The following ADAMTS17 variants were observed in gnomAD, a reference collection of about 807,000 sequenced individuals.
The protein encoded by ADAMTS17 is ADAM metallopeptidase with thrombospondin type 1 motif 17.
A neutral mutation model predicts 141.5 loss-of-function variants in ADAMTS17; 113 were observed. The observed-to-expected ratio is 0.80, with a 90% confidence interval of 0.69 to 0.93. The LOEUF (loss-of-function observed/expected upper bound fraction) is 0.93. ADAMTS17 is among the 40% of genes least tolerant of loss of function. The probability of loss-of-function intolerance (pLI) is 0.00; values close to 1 mark genes in which losing one functional copy is unlikely to be tolerated. For missense variants in ADAMTS17, 1,659 were observed against 1,517.9 expected (o/e 1.09, Z -1.54); for synonymous variants, 768 against 630.6 (o/e 1.22, Z -3.27).
At chr15:100,167,018 G>A (rs2039975677) in intron 8 of ADAMTS17, among the ~76,000 whole-genome samples, 1 of 152,240 alleles carries the variant, frequency 6.6e-6, no homozygotes, top group Admixed American at 6.5e-5. Context: ...GTCTCTATGT[G>A]GGCTGCCTGA....
intron 2 of ADAMTS17, among the ~76,000 whole-genome samples, chr15:100,336,908 A>G (rs1368664790): frequency 1.3e-5 from 2 of 152,100 alleles, no homozygotes; most frequent in Non-Finnish European, 2.9e-5. Flanking sequence ...CAGCTGGCTG[A>G]GCTCACCCAG....
At chr15:100,073,520 C>G (rs1046809962) in intron 15 of ADAMTS17, among the ~76,000 whole-genome samples, 4 of 151,836 alleles carry the variant, frequency 2.6e-5, no homozygotes, top group Non-Finnish European at 2.9e-5. Context: ...ACCCAAATGT[C>G]CAATAATGAT....
At chr15:100,087,597 C>T (rs984629961) in intron 15 of ADAMTS17, among the ~76,000 whole-genome samples, 2 of 152,190 alleles carry the variant, frequency 1.3e-5, no homozygotes, top group Admixed American at 6.5e-5. Context: ...CATTAAAATA[C>T]TGGCAAACCG....
rs149914601 is a variant in ADAMTS17 at position 100,197,941 on chromosome 15, G to A, written c.1181+1377C>T. On this transcript the variant is annotated intron_variant, in intron 8 of 21. Transcript: ENST00000268070. Reference sequence around the variant, plus strand: ...ACCCAGGAACAGAAAACCAAACACCGCATGTTCTCACTCATAAGTGGGAGT... The same window carrying A: ...ACCCAGGAACAGAAAACCAAACACCACATGTTCTCACTCATAAGTGGGAGT... 5.6e-3 allele frequency among the ~76,000 whole-genome samples: 845 copies of A among 152,222 alleles called. 3 individuals are homozygous for A. Among genetic ancestry groups the A allele is most frequent in the Admixed American group, 0.01 (157 of 15,290 alleles).
chr15:100,196,608 G>A (rs1405922807), intron 8 of ADAMTS17, among the ~76,000 whole-genome samples: 2 of 152,246 alleles, frequency 1.3e-5, no homozygotes, highest in Non-Finnish European at 2.9e-5. Flanking sequence ...TAAGGGACCG[G>A]TGGGTGAGCC....
chr15:100,022,102 G>C (rs577567013), intron 18 of ADAMTS17, among the ~76,000 whole-genome samples: 2 of 152,058 alleles, frequency 1.3e-5, no homozygotes, highest in Non-Finnish European at 2.9e-5. Context: ...AAACTTCCCC[G>C]GGCTCAGTTT....
intron 14 of ADAMTS17, among the ~76,000 whole-genome samples, chr15:100,104,635 G>A (rs1028940048): frequency 1.3e-5 from 2 of 152,180 alleles, no homozygotes; most frequent in Non-Finnish European, 2.9e-5. Context: ...AACGCTAGTA[G>A]GCAAACCACG....
chr15:100,101,019 C>T (rs12441528), intron 14 of ADAMTS17, among the ~76,000 whole-genome samples: 28,504 of 152,102 alleles, frequency 0.19, 2,788 homozygotes, highest in Admixed American at 0.22. Flanking sequence ...GTCAGTTATC[C>T]ATAGCTAAGA....
At chr15:100,205,842 C>G (rs2141678451) in intron 7 of ADAMTS17, among the ~76,000 whole-genome samples, 1 of 152,332 alleles carries the variant, frequency 6.6e-6, no homozygotes, top group Admixed American at 6.5e-5. Flanking sequence ...AGGGATGTTC[C>G]AAGCCAAGCC....
chr15:100,281,530 C>T, intron 3 of ADAMTS17, 129 bp from the exon 4 acceptor site: 1 of 1,212,702 alleles, frequency 8.2e-7, no homozygotes, highest in South Asian at 1.3e-5. Context: ...GGGCCCAGCA[C>T]CCAGCAATCT....
intron 6 of ADAMTS17, among the ~76,000 whole-genome samples, chr15:100,258,036 C>T (rs562970883): frequency 1.4e-4 from 21 of 152,302 alleles, no homozygotes; most frequent in Admixed American, 3.3e-4. Flanking sequence ...CATGTTGTAG[C>T]GCGTGTCACA....
chr15:100,336,785 G>C lies in ADAMTS17; in HGVS notation c.450+4254C>G, dbSNP rs1254409462. Among the ~76,000 whole-genome samples the C allele has an allele frequency of 2.6e-5, 4 of 152,272 alleles. No homozygotes were observed. The East Asian group carries it at 7.7e-4, about 29-fold the overall frequency. ...AAGGGTTTGAAAACTCTTTTCTAAA[G>C]AAAGAAGTAGTAACATCCCAAACCT... On this transcript the variant is annotated intron_variant, in intron 2 of 21. Transcript: ENST00000268070.
At chr15:100,293,890 T>C (rs1390196674) in intron 3 of ADAMTS17, among the ~76,000 whole-genome samples, 2 of 152,182 alleles carry the variant, frequency 1.3e-5, no homozygotes, top group Admixed American at 1.3e-4. Flanking sequence ...TTAACATAAA[T>C]GTCCTGAAAT....
chr15:100,147,407 A>G (rs2038959984), intron 10 of ADAMTS17, among the ~76,000 whole-genome samples: 1 of 152,208 alleles, frequency 6.6e-6, no homozygotes, highest in Non-Finnish European at 1.5e-5. Flanking sequence ...CCTAGACGGC[A>G]TAACCTACTA....
rs1441859573 is a variant in ADAMTS17, at chr15:99,971,961, A to G, written c.*2441T>C. 6.6e-6 allele frequency: 1 copy of G among 152,318 alleles called. No homozygotes were observed. The highest frequency in any genetic ancestry group is 1.9e-4 in the East Asian group (1 of 5,190). The allele number at this position is 152,318 out of a possible 1,614,324, so 9.4% of individuals were successfully genotyped here. A position where few individuals can be genotyped will look rare whatever the true frequency, so the allele number is the denominator to read the frequency against. On this transcript the variant is annotated 3_prime_UTR_variant, in exon 22 of 22. Coordinates refer to ENST00000268070, the MANE Select transcript of ADAMTS17 (RefSeq NM_139057.4). ...AAGGTAGGCTGGTGGATTTCAAGAT[A>G]AGCTAAAAGGCCGGGCGCGGTGGCT... is the stretch of plus-strand genomic sequence containing the variant.
intron 18 of ADAMTS17, among the ~76,000 whole-genome samples, chr15:100,034,017 C>T (rs183840811): frequency 2.6e-5 from 4 of 152,222 alleles, no homozygotes; most frequent in African/African-American, 9.7e-5. Flanking sequence ...TTACCTTCCA[C>T]TATACACTAG....
At chr15:100,205,553 C>T (rs2041509523) in intron 7 of ADAMTS17, among the ~76,000 whole-genome samples, 1 of 152,168 alleles carries the variant, frequency 6.6e-6, no homozygotes, top group Non-Finnish European at 1.5e-5. Flanking sequence ...TTTGTCAAAT[C>T]ACAGTGTGCC....
chr15:100,227,361 C>A (rs939619126), intron 7 of ADAMTS17, among the ~76,000 whole-genome samples: 12 of 152,218 alleles, frequency 7.9e-5, no homozygotes, highest in Non-Finnish European at 2.9e-5. Context: ...CTACCCCCTC[C>A]AATCCTCCCC....
chr15:100,183,309 A>C (rs533502335), intron 8 of ADAMTS17, among the ~76,000 whole-genome samples: 4 of 152,262 alleles, frequency 2.6e-5, no homozygotes, highest in African/African-American at 7.2e-5. Context: ...ATACAAGCTT[A>C]TATCTTCCAC....
Sources: allele counts gnomAD v4.1 joint callset (sites outside exome capture counted in the v4.1 genomes callset), GRCh38; gene constraint gnomAD v4.1.1; transcripts MANE v1.5; gene names NCBI Gene and HGNC (gene_info 2026-07-23, HGNC 2026-07-21).